DOK1: variants seen among roughly 807,000 people sequenced by gnomAD.
DOK1 encodes docking protein 1, also known as Downstream of tyrosine kinase 1.
In DOK1, 12 loss-of-function variants were observed where a neutral mutation model predicts 24.0. The observed-to-expected ratio is 0.50, with a 90% CI of 0.32 to 0.81. The LOEUF (loss-of-function observed/expected upper bound fraction) is 0.81. Ranked by LOEUF, DOK1 falls within the 30% of genes least tolerant of loss-of-function variation. The pLI, the probability that DOK1 is intolerant of heterozygous loss-of-function variation, is 0.03. For missense variants in DOK1, 591 were observed against 620.7 expected, an observed-to-expected ratio of 0.95 and a Z score of 0.51; for synonymous variants, 250 against 260.9, an observed-to-expected ratio of 0.96 and a Z score of 0.40.
At chr2:74,549,809 A>T, upstream of DOK1, 3 of 1,411,640 alleles carry the variant, frequency 2.1e-6, no homozygotes, top group Non-Finnish European at 2.8e-6. The surrounding 1 kb of genome is among the most constrained non-coding windows in gnomAD (Gnocchi z 5.3). Flanking sequence ...TCAGGGCACT[A>T]GGAAGGAGGC....
At position 74,556,389 on chromosome 2, in the gene DOK1, A is replaced by G. The variant is rs1677470190; in HGVS notation, c.721A>G (p.Ile241Val). The G allele has an allele frequency of 6.2e-7, 1 of 1,613,928 alleles. No individual in the cohort carries two copies. ...FTFQTAQGND[I>V]FQAVETAIHR... ...CTTCCAGACGGCACAGGGAAATGAC[A>G]TCTTCCAGGCAGTTGAGACTGCCAT... Residue 241 changes from isoleucine to valine, a missense_variant, in exon 5 of 5, where the codon ATC becomes GTC. Physicochemically the swap from Ile to Val is conservative, Grantham distance 29. Coordinates refer to ENST00000233668, the MANE Select transcript of DOK1 (RefSeq NM_001381.5). This position sits in a 1 kb window ranked among gnomAD's most constrained non-coding sequence, Gnocchi z 4.1.
Position 74,556,824 on chromosome 2 carries a change from G to C in DOK1, c.1156G>C (p.Ala386Pro). Residue 386 changes from alanine (A) to proline (P), a missense_variant, in exon 5 of 5, where the codon GCA becomes CCA. Physicochemically the swap from Ala to Pro is conservative, Grantham distance 27. Coordinates refer to ENST00000233668, the MANE Select transcript of DOK1 (RefSeq NM_001381.5). The surrounding 1 kb of genome is among the most constrained non-coding windows in gnomAD (Gnocchi z 4.1). ...LYDLPREPKD[A>P]WWCQARVKEE... is the part of the protein sequence containing the mutation. ...TGATCTGCCTCGGGAGCCCAAGGAT[G>C]CATGGTGGTGCCAAGCTCGGGTGAA... 6.2e-7 allele frequency: 1 copy of C among 1,614,192 alleles called. No individual in the cohort carries two copies. Among genetic ancestry groups the C allele is most frequent in the Non-Finnish European group, 8.5e-7 (1 of 1,180,036 alleles).
Position 74,555,446 on chromosome 2 carries a change from C to T in DOK1, c.353C>T (p.Ala118Val). Residue 118 changes from alanine to valine, a missense_variant, in exon 2 of 5, where the codon GCC (alanine) becomes GTC (valine). Coordinates refer to ENST00000233668, the MANE Select transcript of DOK1 (RefSeq NM_001381.5). The surrounding 1 kb of genome is among the most constrained non-coding windows in gnomAD (Gnocchi z 6.1). ...TGGGTGCAGACGCTGTGCCGAAACGCCTTTCCGGTGAGGAGCTGCGGCGAT... is the reference window on the plus strand; with the variant it reads ...TGGGTGCAGACGCTGTGCCGAAACGTCTTTCCGGTGAGGAGCTGCGGCGAT... The part of the protein sequence containing the change: ...AAWVQTLCRN[A>V]FPKGSWTLAP... 1 of 1,609,396 alleles carries T rather than the reference C, an allele frequency of 6.2e-7. No homozygotes were observed. The highest frequency in any genetic ancestry group is 8.5e-7 in the Non-Finnish European group (1 of 1,178,482).
At chr2:74,552,283 C>T (rs1471623740), upstream of DOK1, 2 of 1,562,200 alleles carry the variant, frequency 1.3e-6, no homozygotes, top group Non-Finnish European at 8.7e-7. Flanking sequence ...TTTGGCCACA[C>T]ATAGGAAATA....
Position 74,555,822 on chromosome 2 carries a change from C to T in DOK1, c.455-72C>T, listed in dbSNP as rs80182994. The stretch of plus-strand genomic sequence containing the variant: ...CGAGTGAGTGCTTGGACACTATGCT[C>T]ATGAGTCCTCTGGGTCCCCACTGCT... On this transcript the variant is annotated intron_variant, in intron 3 of 4. Transcript: ENST00000233668. This position sits in a 1 kb window ranked among gnomAD's most constrained non-coding sequence, Gnocchi z 6.1. The T allele has an allele frequency of 1.4e-5, 22 of 1,581,792 alleles. No individual in the cohort carries two copies. The highest frequency in any genetic ancestry group is 2.2e-5 in the East Asian group (1 of 44,558).
At chr2:74,553,046 G>A (rs1677125226), upstream of DOK1, 2 of 185,714 alleles carry the variant, frequency 1.1e-5, no homozygotes, top group Non-Finnish European at 2.2e-5. Flanking sequence ...GAGAGACAAC[G>A]GATAGAAAGT....
chr2:74,554,966 A>T lies in DOK1; in HGVS notation c.60+152A>T. On this transcript the variant is annotated intron_variant, in intron 1 of 4. Coordinates refer to ENST00000233668, the MANE Select transcript of DOK1 (RefSeq NM_001381.5). This position sits in a 1 kb window ranked among gnomAD's most constrained non-coding sequence, Gnocchi z 4.9. ...TGAAGTTGCTTTGCACACTCCCGGG[A>T]AGCGTCTGTAGTCTAGGGGTTCTGG... 7.0e-7 allele frequency: 1 copy of T among 1,437,828 alleles called. No homozygotes were observed. The highest frequency in any genetic ancestry group is 2.0e-5 in the Admixed American group (1 of 50,814). The allele number at this position is 1,437,828 out of a possible 1,614,324, so 89.1% of individuals were successfully genotyped here.
chr2:74,552,675 G>A (rs1203103848), upstream of DOK1: 5 of 1,474,536 alleles, frequency 3.4e-6, no homozygotes, highest in Non-Finnish European at 4.5e-6. Flanking sequence ...AAGTGTGCGT[G>A]AGAGAAACAG....
At chr2:74,554,409 G>A, upstream of DOK1, 1 of 297,734 alleles carries the variant, frequency 3.4e-6, no homozygotes, top group South Asian at 5.1e-5. This position sits in a 1 kb window ranked among gnomAD's most constrained non-coding sequence, Gnocchi z 4.9. Flanking sequence ...GGGCGCTTTC[G>A]GGGTGATGTC....
chr2:74,554,348 G>A (rs1338449270), upstream of DOK1: 8 of 192,282 alleles, frequency 4.2e-5, no homozygotes, highest in Non-Finnish European at 7.5e-5. The surrounding 1 kb of genome is among the most constrained non-coding windows in gnomAD (Gnocchi z 4.9). Flanking sequence ...GGGCGGGCCC[G>A]GCCAGGGTAA....
upstream of DOK1, chr2:74,550,002 G>A (rs2104443802): frequency 1.0e-6 from 1 of 985,434 alleles, no homozygotes; most frequent in Middle Eastern, 5.2e-4. Flanking sequence ...CCCCTTGAAT[G>A]TGAATGCTAA....
Position 74,549,222 on chromosome 2 carries a change from C to T in DOK1, c.-358+50C>T. 1.1e-6 allele frequency: 1 copy of T among 890,416 alleles called. No individual in the cohort carries two copies. 55.2% of individuals were successfully genotyped at this position (890,416 alleles called of 1,614,324 possible). On this transcript the variant is annotated intron_variant, in intron 1 of 4. Transcript: ENST00000409429. This position sits in a 1 kb window ranked among gnomAD's most constrained non-coding sequence, Gnocchi z 5.3. ...GGTCCCACAAGATTTCCCAACTCTC[C>T]AGCTTTGCAACGGCCTCCATATTTT...
At position 74,549,348 on chromosome 2, in the gene DOK1, C is replaced by A; in HGVS notation, c.-358+176C>A. On this transcript the variant is annotated intron_variant, in intron 1 of 4. Coordinates refer to the DOK1 transcript ENST00000409429. The surrounding 1 kb of genome is among the most constrained non-coding windows in gnomAD (Gnocchi z 5.3). ...GCACCCCAATCCCGGCCTGCTCCGC[C>A]CGGCGCCCGCGGCCCCTCACCTGTA... The A allele has an allele frequency of 6.4e-7, 1 of 1,551,180 alleles. No homozygotes were observed. The highest frequency in any genetic ancestry group is 2.4e-5 in the East Asian group (1 of 41,198).
rs559191779 is a variant in DOK1 at position 74,549,130 on chromosome 2, G to T, written c.-400G>T. 1.0e-5 allele frequency: 4 copies of T among 386,914 alleles called. No individual in the cohort carries two copies. The highest frequency in any genetic ancestry group is 1.8e-5 in the Non-Finnish European group (4 of 222,032). 24.0% of individuals were successfully genotyped at this position (386,914 alleles called of 1,614,324 possible). On this transcript the variant is annotated 5_prime_UTR_variant, in exon 1 of 5. Transcript: ENST00000409429. The surrounding 1 kb of genome is among the most constrained non-coding windows in gnomAD (Gnocchi z 5.3). ...GAGGAATCCGCCTGCCCGCCCAGGCGTCGGCCACGAGAGAGCGGGAGCCTC... is the reference window on the plus strand; with the variant it reads ...GAGGAATCCGCCTGCCCGCCCAGGCTTCGGCCACGAGAGAGCGGGAGCCTC...
upstream of DOK1, chr2:74,553,046 G>C (rs1677125226): frequency 5.4e-6 from 1 of 185,714 alleles, no homozygotes; most frequent in Non-Finnish European, 1.1e-5. Flanking sequence ...GAGAGACAAC[G>C]GATAGAAAGT....
Position 74,554,812 on chromosome 2 carries a change from A to G in DOK1, c.58A>G (p.Lys20Glu), listed in dbSNP as rs1677295612. 2 of 1,613,936 alleles carry G rather than the reference A, an allele frequency of 1.2e-6. No individual in the cohort carries two copies. Among genetic ancestry groups the G allele is most frequent in the Non-Finnish European group, 1.7e-6 (2 of 1,179,934 alleles). The change falls in exon 1 of 5, where the codon AAG (lysine) becomes GAG (glutamate). Residue 20 changes from lysine to glutamate, a missense_variant and splice_region_variant. Lys to Glu is a moderately conservative substitution (Grantham distance 56). Transcript: ENST00000233668. This position sits in a 1 kb window ranked among gnomAD's most constrained non-coding sequence, Gnocchi z 4.9. ...LFLQSQRFGT[K>E]RWRKTWAVLY... ...TTTGCAGAGTCAGCGCTTTGGGACC[A>G]AGGTAGTCTGGCGCATGGATGCCGA...
chr2:74,552,700 A>C (rs1677097670), upstream of DOK1: 20 of 1,393,760 alleles, frequency 1.4e-5, no homozygotes, highest in Non-Finnish European at 1.9e-5. Flanking sequence ...AGTGGGGCCC[A>C]GAGTCAGAAA....
upstream of DOK1, chr2:74,552,856 C>T: frequency 3.8e-6 from 2 of 528,760 alleles, no homozygotes; most frequent in South Asian, 5.6e-5. Flanking sequence ...AGAGGCACAG[C>T]CTGAGAGACC....
chr2:74,554,762 G>T lies in DOK1; in HGVS notation c.8G>T (p.Gly3Val). ...AAGGAACCGCCGGGGGCCATGGACG[G>T]AGCAGTGATGGAAGGGCCGCTTTTT... MDGAVMEGPLFLQ... is the reference protein window; with the variant it reads MDVAVMEGPLFLQ... Residue 3 changes from glycine (G) to valine (V), a missense_variant, in exon 1 of 5, where the codon GGA becomes GTA. Gly to Val is a moderately radical substitution (Grantham distance 109). Coordinates refer to ENST00000233668, the MANE Select transcript of DOK1 (RefSeq NM_001381.5). This position sits in a 1 kb window ranked among gnomAD's most constrained non-coding sequence, Gnocchi z 4.9. 2 of 1,613,620 alleles carry T rather than the reference G, an allele frequency of 1.2e-6. No homozygotes were observed. The highest frequency in any genetic ancestry group is 1.7e-6 in the Non-Finnish European group (2 of 1,179,874).
Sources: allele counts gnomAD v4.1 joint callset, GRCh38; gene constraint gnomAD v4.1.1; non-coding constraint Gnocchi (gnomAD v3.1); transcripts MANE v1.5; gene names NCBI Gene and HGNC (gene_info 2026-07-23, HGNC 2026-07-21).